The following MAPK10 variants were observed in gnomAD, a reference collection of about 807,000 sequenced individuals.
The protein encoded by MAPK10 is mitogen-activated protein kinase 10.
Under a neutral mutation model 59.3 loss-of-function variants are expected in MAPK10, and 25 were observed. That is an observed-to-expected ratio of 0.42 (90% confidence interval 0.31 to 0.59). MAPK10 has a LOEUF of 0.59. Ranked by LOEUF, MAPK10 falls within the 20% of genes least tolerant of loss-of-function variation. MAPK10 has a pLI of 0.15. For synonymous variants in MAPK10, 190 were observed against 200.5 expected, an observed-to-expected ratio of 0.95 and a Z score of 0.44; for missense variants, 351 against 568.9, an observed-to-expected ratio of 0.62 and a Z score of 3.90.
At chr4:86,497,868 C>G (rs778787200) in intron 1 of MAPK10, among the ~76,000 whole-genome samples, 1 of 152,164 alleles carries the variant, frequency 6.6e-6, no homozygotes, top group Non-Finnish European at 1.5e-5. Context: ...ATATTAGGAG[C>G]AGGGTTGATT....
At chr4:86,224,428 C>A (rs1460749) in intron 2 of MAPK10, among the ~76,000 whole-genome samples, 12,888 of 151,948 alleles carry the variant, frequency 0.085, 1,197 homozygotes, top group African/African-American at 0.23. Context: ...AGTAGAAGTG[C>A]ACTAGGTAAA....
At chr4:86,439,914 T>C (rs1749217449) in intron 1 of MAPK10, among the ~76,000 whole-genome samples, 1 of 152,194 alleles carries the variant, frequency 6.6e-6, no homozygotes, top group Non-Finnish European at 1.5e-5. Context: ...GCCCCAAAAT[T>C]TCTGTTCAAA....
At position 86,486,897 on chromosome 4, in the gene MAPK10, C is replaced by T. The variant is rs576627711; in HGVS notation, c.-263+107013G>A. 2.0e-5 allele frequency among the ~76,000 whole-genome samples: 3 copies of T among 152,256 alleles called. No homozygotes were observed. In the South Asian group the frequency reaches 6.2e-4, roughly 32 times the overall value. ...CACTATGTGCCTGAAACACAGTACTCTGAGAAGGACAAATCACTGATGTCT... is the reference window on the plus strand; with the variant it reads ...CACTATGTGCCTGAAACACAGTACTTTGAGAAGGACAAATCACTGATGTCT... On this transcript the variant is annotated intron_variant, in intron 1 of 4. Transcript: ENST00000502302.
intron 2 of MAPK10, among the ~76,000 whole-genome samples, chr4:86,260,901 G>A (rs1214691194): frequency 6.6e-6 from 1 of 152,070 alleles, no homozygotes; most frequent in African/African-American, 2.4e-5. Flanking sequence ...TGCTGTGGAT[G>A]CAATGAAGAG....
chr4:86,351,072 CT>C (rs1233792793), intron 2 of MAPK10, among the ~76,000 whole-genome samples: 1 of 151,984 alleles, frequency 6.6e-6, no homozygotes, highest in Non-Finnish European at 1.5e-5. Flanking sequence ...GCTTCCATAT[CT>C]TTAAAAAAAA....
chr4:86,333,433 T>G (rs971508054), intron 2 of MAPK10, among the ~76,000 whole-genome samples: 2 of 152,190 alleles, frequency 1.3e-5, no homozygotes, highest in Non-Finnish European at 2.9e-5. Context: ...TCATCTACAC[T>G]ACACTACTCA....
intron 1 of MAPK10, among the ~76,000 whole-genome samples, chr4:86,470,701 T>A (rs954086215): frequency 6.6e-5 from 10 of 152,166 alleles, no homozygotes. Flanking sequence ...AAGGGATTCA[T>A]AACTGTTTAA....
At chr4:86,593,201 G>A (rs1486745431) in intron 1 of MAPK10, among the ~76,000 whole-genome samples, 1 of 152,168 alleles carries the variant, frequency 6.6e-6, no homozygotes, top group Non-Finnish European at 1.5e-5. Context: ...GGGAACCTAG[G>A]ATTGCTGCTT....
chr4:86,586,896 T>C (rs553936177), intron 1 of MAPK10, among the ~76,000 whole-genome samples: 1 of 152,338 alleles, frequency 6.6e-6, no homozygotes, highest in East Asian at 1.9e-4. Context: ...TGTCTTAGTA[T>C]TTCATAGATC....
chr4:86,025,239 T>A (rs1190427119), intron 13 of MAPK10: 5 of 329,358 alleles, frequency 1.5e-5, no homozygotes, highest in Non-Finnish European at 2.2e-5. Flanking sequence ...ATTCTTTTTT[T>A]AAATATAGTT....
intron 1 of MAPK10, among the ~76,000 whole-genome samples, chr4:86,407,772 A>C (rs1316863472): frequency 1.3e-5 from 2 of 152,168 alleles, no homozygotes; most frequent in Non-Finnish European, 2.9e-5. Flanking sequence ...TTTTTGAATA[A>C]ATGGTGACAG....
chr4:86,547,582 G>A (rs1159206722), intron 1 of MAPK10, among the ~76,000 whole-genome samples: 19 of 152,254 alleles, frequency 1.2e-4, no homozygotes, highest in Admixed American at 3.3e-4. Context: ...CCCTAAGAGC[G>A]CCGCCCCCTG....
intron 2 of MAPK10, among the ~76,000 whole-genome samples, chr4:86,233,558 T>C (rs2091881665): frequency 6.6e-6 from 1 of 152,152 alleles, no homozygotes; most frequent in Admixed American, 6.5e-5. Flanking sequence ...AATCTTTCCT[T>C]TAAAATATGT....
chr4:86,367,754 A>C (rs1054742763), intron 1 of MAPK10, among the ~76,000 whole-genome samples: 60 of 151,964 alleles, frequency 3.9e-4, no homozygotes, highest in African/African-American at 1.4e-3. Context: ...AGTTAGATAA[A>C]CATTTTTATG....
chr4:86,562,134 T>C (rs562288086), intron 1 of MAPK10, among the ~76,000 whole-genome samples: 2 of 152,194 alleles, frequency 1.3e-5, no homozygotes, highest in East Asian at 3.9e-4. Flanking sequence ...GGCGGGAGGA[T>C]CCCTTGGGCC....
At chr4:86,316,787 A>T (rs571127554) in intron 2 of MAPK10, among the ~76,000 whole-genome samples, 1 of 152,276 alleles carries the variant, frequency 6.6e-6, no homozygotes, top group Admixed American at 6.5e-5. Flanking sequence ...TGCATGAGGA[A>T]GCTGAGCTGA....
At chr4:86,499,342 A>G (rs1400175080) in intron 1 of MAPK10, among the ~76,000 whole-genome samples, 1 of 152,194 alleles carries the variant, frequency 6.6e-6, no homozygotes, top group Non-Finnish European at 1.5e-5. Flanking sequence ...CCAGCAGCTA[A>G]GTTGCAAGCA....
intron 1 of MAPK10, among the ~76,000 whole-genome samples, chr4:86,553,321 T>G (rs2149101051): frequency 6.6e-6 from 1 of 152,236 alleles, no homozygotes; most frequent in East Asian, 1.9e-4. Context: ...GGTGTTTTAG[T>G]TGTTGTTCAC....
intron 1 of MAPK10, among the ~76,000 whole-genome samples, chr4:86,462,234 G>A (rs1203732288): frequency 6.6e-6 from 1 of 152,228 alleles, no homozygotes; most frequent in East Asian, 1.9e-4. Flanking sequence ...GGAAGGTCTA[G>A]TTTAAATTTA....
Sources: allele counts gnomAD v4.1 joint callset (sites outside exome capture counted in the v4.1 genomes callset), GRCh38; gene constraint gnomAD v4.1.1; transcripts MANE v1.5; gene names NCBI Gene and HGNC (gene_info 2026-07-23, HGNC 2026-07-21).